The following THSD7A variants were observed in gnomAD, a reference collection of about 807,000 sequenced individuals.
The protein encoded by THSD7A is thrombospondin type 1 domain containing 7A, also known as thrombospondin type-1 domain-containing protein 7A.
In THSD7A, 96 loss-of-function variants were observed where a neutral mutation model predicts 231.3. The observed-to-expected ratio is 0.41, with a 90% CI of 0.35 to 0.49. The LOEUF (loss-of-function observed/expected upper bound fraction) is 0.49, where lower values mean the gene tolerates loss of function less well. Among genes scored for constraint, THSD7A ranks in the 20% least tolerant of loss-of-function variants. The pLI, the probability that THSD7A is intolerant of heterozygous loss-of-function variation, is 0.05. For missense variants in THSD7A, 2,290 were observed against 2,070.2 expected, an observed-to-expected ratio of 1.11 and a Z score of -2.06; for synonymous variants, 940 against 743.3, an observed-to-expected ratio of 1.26 and a Z score of -4.30.
At position 11,509,520 on chromosome 7, in the gene THSD7A, T is replaced by A. The variant is rs1395268781; in HGVS notation, c.1823-27538A>T. 2.0e-5 allele frequency among the ~76,000 whole-genome samples: 3 copies of A among 151,966 alleles called. No homozygotes were observed. The East Asian group carries it at 5.8e-4, about 29-fold the overall frequency. The stretch of plus-strand genomic sequence containing the variant: ...ATTTACAGATGATCCATGTTAACAG[T>A]GCAGTTACAAATTTTAAAATTAAAA... On this transcript the variant is annotated intron_variant, in intron 6 of 27. Coordinates refer to ENST00000423059, the MANE Select transcript of THSD7A (RefSeq NM_015204.3).
chr7:11,637,510 T>C lies in THSD7A; in HGVS notation c.191-549A>G, dbSNP rs1205276421. Among the ~76,000 whole-genome samples, 1 of 152,160 alleles carries C rather than the reference T, an allele frequency of 6.6e-6. No individual in the cohort carries two copies. The highest frequency in any genetic ancestry group is 1.5e-5 in the Non-Finnish European group (1 of 68,038). On this transcript the variant is annotated intron_variant, in intron 1 of 27. Coordinates refer to ENST00000423059, the MANE Select transcript of THSD7A (RefSeq NM_015204.3). The surrounding 1 kb of genome is among the most constrained non-coding windows in gnomAD (Gnocchi z 4.2). ...TCATGTGTGCCACTAGAGCTTAAAG[T>C]GTTCACTCTCTGGTTATCAAAACTA...
rs1782997862 is a variant in THSD7A at position 11,765,299 on chromosome 7, CT to C, written c.190+66457del. On this transcript the variant is annotated intron_variant, in intron 1 of 27. Transcript: ENST00000423059. ...TATTTAAGTTTGCTATCTTAGGATA[CT>C]TTCTCATAGAATTATGAATATGCTT... Among the ~76,000 whole-genome samples, 3 of 152,288 alleles carry C rather than the reference CT, an allele frequency of 2.0e-5. No individual in the cohort carries two copies. In the South Asian group the frequency reaches 6.2e-4, roughly 32 times the overall value.
At chr7:11,468,803 C>T (rs951843333) in intron 9 of THSD7A, among the ~76,000 whole-genome samples, 55 of 152,106 alleles carry the variant, frequency 3.6e-4, no homozygotes, top group African/African-American at 1.2e-3. Flanking sequence ...CACTGTACTC[C>T]AGCCTGGATG....
At chr7:11,617,431 A>G (rs1261762606) in intron 2 of THSD7A, among the ~76,000 whole-genome samples, 2 of 152,192 alleles carry the variant, frequency 1.3e-5, no homozygotes, top group East Asian at 3.8e-4. Flanking sequence ...GTATGTATGT[A>G]TGTATGATTC....
chr7:11,796,077 T>TATATATATATATATATA (rs1562562154), intron 1 of THSD7A, among the ~76,000 whole-genome samples: 1 of 138,302 alleles, frequency 7.2e-6, no homozygotes, highest in Non-Finnish European at 1.6e-5. Context: ...TATATATATA[T>TATATATATATATATATA]TTGGATCAGT....
Position 11,778,196 on chromosome 7 carries a change from T to TACTAGAA in THSD7A, c.190+53554_190+53560dup, listed in dbSNP as rs202141012. Among the ~76,000 whole-genome samples, 1,251 of 148,902 alleles carry TACTAGAA rather than the reference T, an allele frequency of 8.4e-3. 19 individuals carry two copies. Among genetic ancestry groups the TACTAGAA allele is most frequent in the African/African-American group, 0.03 (1,192 of 40,260 alleles). ...AAAAAAAAGAAAGCCCTTTCCTATGTACTAGAAACATGAACAGATTTGGGG... is the reference window on the plus strand; with the variant it reads ...AAAAAAAAGAAAGCCCTTTCCTATGTACTAGAAACTAGAAACATGAACAGATTTGGGG... On this transcript the variant is annotated intron_variant, in intron 1 of 27. Transcript: ENST00000423059.
intron 10 of THSD7A, 30 bp from the exon 11 acceptor site, chr7:11,460,795 G>A (rs1268929125): frequency 6.3e-6 from 10 of 1,583,508 alleles, no homozygotes; most frequent in Non-Finnish European, 7.8e-6. Context: ...GCCCAGTGGG[G>A]AAGAAGCAAA....
At chr7:11,559,978 G>A (rs2354956) in intron 4 of THSD7A, among the ~76,000 whole-genome samples, 3 of 151,930 alleles carry the variant, frequency 2.0e-5, no homozygotes, top group Non-Finnish European at 4.4e-5. Context: ...TTATAAGAAT[G>A]GTTATTGTAT....
At chr7:11,635,406 T>C (rs143000036) in intron 2 of THSD7A, among the ~76,000 whole-genome samples, 1 of 152,232 alleles carries the variant, frequency 6.6e-6, no homozygotes, top group Non-Finnish European at 1.5e-5. Flanking sequence ...GTCTTTCAGA[T>C]AATCCTCAAT....
intron 6 of THSD7A, among the ~76,000 whole-genome samples, chr7:11,514,249 T>C (rs931827808): frequency 6.6e-6 from 1 of 152,200 alleles, no homozygotes; most frequent in Non-Finnish European, 1.5e-5. Flanking sequence ...ATATTTTACT[T>C]GTTTACTCAT....
chr7:11,710,901 C>T (rs1399652070), intron 1 of THSD7A, among the ~76,000 whole-genome samples: 2 of 150,668 alleles, frequency 1.3e-5, no homozygotes, highest in South Asian at 2.1e-4. Context: ...ATTGTATTTG[C>T]TACCCTATTT....
At chr7:11,410,713 C>CTGTT (rs570785736) in intron 19 of THSD7A, among the ~76,000 whole-genome samples, 8 of 152,078 alleles carry the variant, frequency 5.3e-5, no homozygotes, top group Admixed American at 2.0e-4. Flanking sequence ...CTTCATTCCT[C>CTGTT]TGTTTGAATT....
Position 11,470,001 on chromosome 7 carries a change from A to C in THSD7A, c.2253-7T>G, listed in dbSNP as rs567344175. ...TCGAAGGCTTTCAGGACATCTAGAAAGGCAAAGGGGAATTATTAGGCTTCA... is the reference window on the plus strand; with the variant it reads ...TCGAAGGCTTTCAGGACATCTAGAACGGCAAAGGGGAATTATTAGGCTTCA... On this transcript the variant is annotated splice_polypyrimidine_tract_variant and splice_region_variant and intron_variant, in intron 8 of 27. Coordinates refer to ENST00000423059, the MANE Select transcript of THSD7A (RefSeq NM_015204.3). The C allele has an allele frequency of 4.5e-6, 7 of 1,548,242 alleles. No individual in the cohort carries two copies. Among genetic ancestry groups the C allele is most frequent in the African/African-American group, 1.4e-5 (1 of 73,760 alleles).
intron 2 of THSD7A, among the ~76,000 whole-genome samples, chr7:11,605,267 GA>G (rs912778402): frequency 9.2e-5 from 14 of 151,828 alleles, no homozygotes; most frequent in African/African-American, 3.4e-4. Context: ...TCCTAATATG[GA>G]AAAAAACAAA....
chr7:11,503,843 G>A (rs1430195526), intron 6 of THSD7A, among the ~76,000 whole-genome samples: 1 of 152,116 alleles, frequency 6.6e-6, no homozygotes, highest in African/African-American at 2.4e-5. Context: ...AAAAGGAAAT[G>A]CTTATACATT....
chr7:11,558,162 C>T (rs1239177196), intron 4 of THSD7A, among the ~76,000 whole-genome samples: 6 of 152,100 alleles, frequency 3.9e-5, no homozygotes, highest in African/African-American at 1.4e-4. Flanking sequence ...GGGAACTAAT[C>T]ACCTTGTCAT....
intron 1 of THSD7A, among the ~76,000 whole-genome samples, chr7:11,763,500 A>G (rs1782930532): frequency 6.6e-6 from 1 of 152,192 alleles, no homozygotes; most frequent in African/African-American, 2.4e-5. Flanking sequence ...ACACATCTAT[A>G]TACACATACA....
At chr7:11,566,148 C>T (rs1790311734) in intron 4 of THSD7A, among the ~76,000 whole-genome samples, 1 of 151,226 alleles carries the variant, frequency 6.6e-6, no homozygotes, top group African/African-American at 2.5e-5. Context: ...CAACATTGCC[C>T]ACAGAAAAAT....
chr7:11,488,343 C>T (rs1156423651), intron 6 of THSD7A, among the ~76,000 whole-genome samples: 2 of 152,024 alleles, frequency 1.3e-5, no homozygotes, highest in South Asian at 2.1e-4. Flanking sequence ...AATGGAGTCT[C>T]ATATTTGCAT....
Sources: allele counts gnomAD v4.1 joint callset (sites outside exome capture counted in the v4.1 genomes callset), GRCh38; gene constraint gnomAD v4.1.1; non-coding constraint Gnocchi (gnomAD v3.1); transcripts MANE v1.5; gene names NCBI Gene and HGNC (gene_info 2026-07-23, HGNC 2026-07-21).